MCC: variants seen among roughly 807,000 people sequenced by gnomAD.
MCC encodes MCC regulator of Wnt signaling pathway.
A neutral mutation model predicts 116.2 loss-of-function variants in MCC; 90 were observed. The observed-to-expected ratio is 0.77, with a 90% confidence interval of 0.65 to 0.92. The LOEUF (loss-of-function observed/expected upper bound fraction) is 0.92, where lower values mean the gene tolerates loss of function less well. MCC is among the 40% of genes least tolerant of loss of function. The pLI is 0.00. For synonymous variants in MCC, 578 were observed against 510.5 expected (o/e 1.13, Z -1.78); for missense variants, 1,516 against 1,312.2 (o/e 1.16, Z -2.40).
intron 16 of MCC, among the ~76,000 whole-genome samples, chr5:113,048,376 C>T (rs1021701046): frequency 6.6e-6 from 1 of 152,210 alleles, no homozygotes; most frequent in Non-Finnish European, 1.5e-5. Context: ...CGCCATCCCA[C>T]CTGAGTTGCG....
chr5:113,469,171 T>C (rs992315699), intron 1 of MCC, among the ~76,000 whole-genome samples: 3 of 152,204 alleles, frequency 2.0e-5, no homozygotes, highest in South Asian at 2.1e-4. Flanking sequence ...GTTTTTTGTG[T>C]CTCTATTTCC....
chr5:113,130,830 G>A (rs1180819210), intron 5 of MCC, among the ~76,000 whole-genome samples: 1 of 152,162 alleles, frequency 6.6e-6, no homozygotes, highest in Non-Finnish European at 1.5e-5. Flanking sequence ...TTCTTGTACA[G>A]CCTGCAGAAC....
chr5:113,274,333 G>C (rs1765732681), intron 3 of MCC, among the ~76,000 whole-genome samples: 1 of 152,192 alleles, frequency 6.6e-6, no homozygotes. Flanking sequence ...ACTAAGGTGA[G>C]ATCATTTAAT....
At chr5:113,248,232 A>T (rs1232535362) in intron 3 of MCC, among the ~76,000 whole-genome samples, 1 of 110,658 alleles carries the variant, frequency 9.0e-6, no homozygotes, top group Non-Finnish European at 1.7e-5. Flanking sequence ...CCTTGTATCT[A>T]TTTAAAAAAA....
chr5:113,067,747 C>T (rs139913338), intron 13 of MCC, among the ~76,000 whole-genome samples: 10 of 152,398 alleles, frequency 6.6e-5, no homozygotes, highest in African/African-American at 2.2e-4. Flanking sequence ...TGTGCCTTGA[C>T]AACAGGCATC....
At chr5:113,301,319 G>C (rs190681297) in intron 3 of MCC, among the ~76,000 whole-genome samples, 1 of 152,140 alleles carries the variant, frequency 6.6e-6, no homozygotes, top group South Asian at 2.1e-4. Context: ...TACAAAATTA[G>C]CCAGGTGTGG....
At chr5:113,056,183 C>T (rs368326748) in intron 14 of MCC, among the ~76,000 whole-genome samples, 140 of 152,266 alleles carry the variant, frequency 9.2e-4, no homozygotes, top group African/African-American at 3.3e-3. Context: ...GTGACCCAAG[C>T]GTCTTACATA....
At chr5:113,101,176 G>A (rs1046706314) in intron 8 of MCC, among the ~76,000 whole-genome samples, 2 of 152,014 alleles carry the variant, frequency 1.3e-5, no homozygotes, top group Non-Finnish European at 2.9e-5. Flanking sequence ...TGTAAACACA[G>A]AGACACACAC....
At chr5:113,303,562 A>G (rs1766912544) in intron 3 of MCC, among the ~76,000 whole-genome samples, 1 of 152,222 alleles carries the variant, frequency 6.6e-6, no homozygotes, top group Non-Finnish European at 1.5e-5. Context: ...ATTACTAGGG[A>G]CCTTGAGAGA....
intron 3 of MCC, among the ~76,000 whole-genome samples, chr5:113,296,320 C>G (rs59032550): frequency 0.033 from 5,054 of 152,188 alleles, 289 homozygotes; most frequent in African/African-American, 0.11. Flanking sequence ...ACTTGTAAAA[C>G]ATGAACAGAA....
intron 1 of MCC, among the ~76,000 whole-genome samples, chr5:113,442,902 C>A (rs1000253850): frequency 6.6e-6 from 1 of 152,126 alleles, no homozygotes; most frequent in Admixed American, 6.5e-5. Context: ...GTTACTGTAG[C>A]CTTGTAGTAT....
At chr5:113,152,770 T>A (rs1759956281) in intron 3 of MCC, among the ~76,000 whole-genome samples, 1 of 152,184 alleles carries the variant, frequency 6.6e-6, no homozygotes, top group Non-Finnish European at 1.5e-5. Flanking sequence ...GCAGTAAATG[T>A]GACTTCACTT....
At chr5:113,244,751 G>C (rs1764506570) in intron 3 of MCC, among the ~76,000 whole-genome samples, 1 of 152,190 alleles carries the variant, frequency 6.6e-6, no homozygotes, top group African/African-American at 2.4e-5. Context: ...ACAATAGGAA[G>C]AGGTGCTTCC....
chr5:113,184,483 T>G (rs868707885), intron 3 of MCC, among the ~76,000 whole-genome samples: 6,607 of 147,170 alleles, frequency 0.045, 229 homozygotes, highest in African/African-American at 0.092. Flanking sequence ...TTTTTTGTTT[T>G]TTTTTTTTTT....
intron 11 of MCC, among the ~76,000 whole-genome samples, chr5:113,074,637 T>C (rs1026978031): frequency 3.3e-5 from 5 of 152,064 alleles, no homozygotes; most frequent in African/African-American, 9.7e-5. Flanking sequence ...CTAAAAACCT[T>C]GAAAAAAGAT....
intron 1 of MCC, among the ~76,000 whole-genome samples, chr5:113,481,968 C>T (rs1292506318): frequency 2.0e-5 from 3 of 152,154 alleles, no homozygotes; most frequent in African/African-American, 7.2e-5. Context: ...AATCACTAAT[C>T]CACTTTCTAT....
At chr5:113,041,867 G>A (rs1488582200) in intron 17 of MCC, among the ~76,000 whole-genome samples, 1 of 152,066 alleles carries the variant, frequency 6.6e-6, no homozygotes. Flanking sequence ...GTGGTGGCGT[G>A]TGCCTGTAGT....
chr5:113,125,203 T>C (rs886808558), intron 5 of MCC, among the ~76,000 whole-genome samples: 2 of 151,934 alleles, frequency 1.3e-5, no homozygotes, highest in African/African-American at 4.8e-5. Flanking sequence ...ATGGAAGAAA[T>C]AAAAATACAA....
intron 3 of MCC, among the ~76,000 whole-genome samples, chr5:113,194,685 AAAG>A (rs1439955579): frequency 2.6e-5 from 4 of 152,088 alleles, no homozygotes; most frequent in Non-Finnish European, 4.4e-5. Context: ...AGAGGAAGAA[AAAG>A]AAGAAAGGGG....
Sources: allele counts gnomAD v4.1 joint callset (sites outside exome capture counted in the v4.1 genomes callset), GRCh38; gene constraint gnomAD v4.1.1; transcripts MANE v1.5; gene names NCBI Gene and HGNC (gene_info 2026-07-23, HGNC 2026-07-21).